Variants in PRKG2 observed in about 807,000 individuals in gnomAD.
PRKG2 encodes protein kinase cGMP-dependent 2, also known as cGMP-dependent protein kinase 2.
PRKG2 carries 33 observed loss-of-function variants against 97.2 expected under a neutral mutation model. The observed-to-expected ratio is 0.34, with a 90% CI of 0.26 to 0.45. The LOEUF (loss-of-function observed/expected upper bound fraction) is 0.45. Among genes scored for constraint, PRKG2 ranks in the 20% least tolerant of loss-of-function variants. The pLI, the probability that PRKG2 is intolerant of heterozygous loss-of-function variation, is 1.00. For missense variants in PRKG2, 638 were observed against 900.0 expected (o/e 0.71, Z 3.73); for synonymous variants, 330 against 321.8 (o/e 1.03, Z -0.27).
intron 17 of PRKG2, among the ~76,000 whole-genome samples, chr4:81,099,320 ACT>A (rs1742460734): frequency 6.6e-6 from 1 of 152,174 alleles, no homozygotes; most frequent in African/African-American, 2.4e-5. Flanking sequence ...TCAATAAAAT[ACT>A]GGCAAACCGA....
At chr4:81,205,662 T>C (rs1753606778) in intron 1 of PRKG2, among the ~76,000 whole-genome samples, 1 of 152,226 alleles carries the variant, frequency 6.6e-6, no homozygotes, top group Admixed American at 6.5e-5. Context: ...TGAACTGTGG[T>C]CACCAACAAG....
At chr4:81,122,591 T>A (rs1745169421) in intron 14 of PRKG2, among the ~76,000 whole-genome samples, 1 of 152,036 alleles carries the variant, frequency 6.6e-6, no homozygotes, top group Admixed American at 6.6e-5. Flanking sequence ...AAACCCAGAC[T>A]TTTCTCCTCT....
intron 14 of PRKG2, among the ~76,000 whole-genome samples, chr4:81,131,421 C>G (rs894796803): frequency 1.3e-5 from 2 of 152,206 alleles, no homozygotes; most frequent in East Asian, 1.9e-4. Flanking sequence ...ATTTGGCCAT[C>G]TTGCCAGCCA....
intron 16 of PRKG2, among the ~76,000 whole-genome samples, chr4:81,104,671 A>G (rs7657739): frequency 0.09 from 13,662 of 151,892 alleles, 696 homozygotes; most frequent in African/African-American, 0.13. Context: ...GTATATATAT[A>G]TATGTGTGTA....
chr4:81,200,576 T>C (rs564938684), intron 2 of PRKG2, among the ~76,000 whole-genome samples: 1 of 152,260 alleles, frequency 6.6e-6, no homozygotes, highest in South Asian at 2.1e-4. Context: ...CTTACAACAC[T>C]AGAGTAGGAC....
intron 14 of PRKG2, among the ~76,000 whole-genome samples, chr4:81,119,767 C>G (rs1229926478): frequency 6.6e-6 from 1 of 150,668 alleles, no homozygotes; most frequent in South Asian, 2.1e-4. Context: ...CTCCACCTCC[C>G]GGGTTCACAC....
chr4:81,161,283 T>C (rs1749573655), intron 6 of PRKG2, among the ~76,000 whole-genome samples: 1 of 152,120 alleles, frequency 6.6e-6, no homozygotes, highest in Non-Finnish European at 1.5e-5. Flanking sequence ...TATATTCAAA[T>C]CCCAGTTTAC....
chr4:81,164,724 G>A (rs1487423110), intron 6 of PRKG2, among the ~76,000 whole-genome samples: 5 of 152,232 alleles, frequency 3.3e-5, no homozygotes, highest in African/African-American at 1.2e-4. Flanking sequence ...CGGCACCACA[G>A]GCAATCTGAC....
intron 1 of PRKG2, among the ~76,000 whole-genome samples, chr4:81,206,234 T>A (rs979137973): frequency 1.3e-5 from 2 of 152,220 alleles, no homozygotes; most frequent in African/African-American, 4.8e-5. Context: ...TTCATATTTT[T>A]GCACATGCAG....
At chr4:81,091,884 C>G (rs1021323633) in intron 18 of PRKG2, among the ~76,000 whole-genome samples, 1 of 152,046 alleles carries the variant, frequency 6.6e-6, no homozygotes, top group African/African-American at 2.4e-5. Flanking sequence ...CTCTTCTGAA[C>G]TGAGATGTGC....
intron 17 of PRKG2, among the ~76,000 whole-genome samples, chr4:81,099,880 T>C (rs1742542660): frequency 6.6e-6 from 1 of 152,084 alleles, no homozygotes. Flanking sequence ...GGATACAAAA[T>C]CAATGTGCAA....
intron 2 of PRKG2, among the ~76,000 whole-genome samples, chr4:81,195,041 AATGTAAACTTAAG>A (rs1752870326): frequency 1.3e-5 from 2 of 152,204 alleles, no homozygotes; most frequent in Non-Finnish European, 2.9e-5. Flanking sequence ...AGGTGATTAC[AATGTAAACTTAAG>A]ATTAAGGATT....
chr4:81,198,294 C>G (rs1753088219), intron 2 of PRKG2, among the ~76,000 whole-genome samples: 2 of 149,138 alleles, frequency 1.3e-5, no homozygotes, highest in African/African-American at 5.0e-5. Context: ...GAGCCCAGAG[C>G]TCATTGGCTC....
chr4:81,207,794 G>A (rs1347435221), intron 1 of PRKG2, among the ~76,000 whole-genome samples: 1 of 152,118 alleles, frequency 6.6e-6, no homozygotes, highest in Non-Finnish European at 1.5e-5. Context: ...GTTACTAAAT[G>A]GCTCAATACT....
intron 3 of PRKG2, 38 bp downstream of exon 3, chr4:81,174,755 A>G (rs1239377652): frequency 6.5e-7 from 1 of 1,549,556 alleles, no homozygotes; most frequent in Non-Finnish European, 8.7e-7. Flanking sequence ...AACAGGCAAA[A>G]TATTTATTAT....
At chr4:81,181,426 A>G (rs7687258) in intron 2 of PRKG2, among the ~76,000 whole-genome samples, 36,201 of 151,498 alleles carry the variant, frequency 0.24, 8,405 homozygotes, top group African/African-American at 0.59. Context: ...TTATATAATA[A>G]AATAAATATT....
At chr4:81,112,031 A>G (rs1744043223) in intron 14 of PRKG2, among the ~76,000 whole-genome samples, 1 of 152,220 alleles carries the variant, frequency 6.6e-6, no homozygotes, top group Non-Finnish European at 1.5e-5. Flanking sequence ...AGTATGAGTC[A>G]TTGAACTATA....
At chr4:81,122,354 A>G (rs975113176) in intron 14 of PRKG2, among the ~76,000 whole-genome samples, 4 of 152,190 alleles carry the variant, frequency 2.6e-5, no homozygotes, top group Non-Finnish European at 4.4e-5. Context: ...AGATATAATG[A>G]TGTGAGAGTT....
chr4:81,156,821 GA>G (rs1749141303), intron 6 of PRKG2, among the ~76,000 whole-genome samples: 2 of 152,162 alleles, frequency 1.3e-5, no homozygotes, highest in South Asian at 4.1e-4. Flanking sequence ...ACCTGCTCCT[GA>G]ATGACTACTG....
Sources: gnomAD v4.1 joint callset for allele counts (sites outside exome capture counted in the v4.1 genomes callset) on GRCh38, gnomAD v4.1.1 for gene constraint, MANE v1.5 for transcripts, NCBI Gene and HGNC (gene_info 2026-07-23, HGNC 2026-07-21) for gene names.